The following GABPA variants were observed in gnomAD, a reference collection of about 807,000 sequenced individuals.
GABPA encodes GA-binding protein alpha chain.
A neutral mutation model predicts 59.4 loss-of-function variants in GABPA; 4 were observed. The ratio of observed to expected loss-of-function variants is 0.07; its 90% confidence interval spans 0.03 to 0.15. The LOEUF (loss-of-function observed/expected upper bound fraction) is 0.15. Among genes scored for constraint, GABPA ranks in the 10% least tolerant of loss-of-function variants. GABPA has a pLI of 1.00. For synonymous variants in GABPA, 164 were observed against 183.1 expected, an observed-to-expected ratio of 0.90 and a Z score of 0.84; for missense variants, 251 against 543.8, an observed-to-expected ratio of 0.46 and a Z score of 5.36.
chr21:25,768,876 T>G, intron 9 of GABPA, 128 bp from the exon 10 acceptor site: 3 of 630,884 alleles, frequency 4.8e-6, no homozygotes, highest in Non-Finnish European at 5.7e-6. Context: ...TCTACATAGC[T>G]TCAATATTAA....
rs573839876 is a variant in GABPA at position 25,735,159 on chromosome 21, C to A, written c.-446C>A. 1.6e-6 allele frequency: 1 copy of A among 639,074 alleles called. No homozygotes were observed. The highest frequency in any genetic ancestry group is 2.8e-6 in the Non-Finnish European group (1 of 352,966). The allele number at this position is 639,074 out of a possible 1,614,324, so 39.6% of individuals were successfully genotyped here. On this transcript the variant is annotated 5_prime_UTR_variant, in exon 1 of 10. Transcript: ENST00000400075. ...TCTTTTTCCCCTCCTTGAAACCTTG[C>A]TCTGTACGCATGCGCTCTTTGAGTG...
In GABPA at chr21:25,735,078, C is replaced by T. The variant is rs938179819; in HGVS notation, c.-527C>T. 11 of 990,254 alleles carry T rather than the reference C, an allele frequency of 1.1e-5. No homozygotes were observed. Among genetic ancestry groups the T allele is most frequent in the African/African-American group, 9.6e-5 (6 of 62,324 alleles). 61.3% of individuals were successfully genotyped at this position (990,254 alleles called of 1,614,324 possible). A position where few individuals can be genotyped will look rare whatever the true frequency, so the allele number is the denominator to read the frequency against. ...AGGAGGAGGAAGTGGAGGGTAAGTG[C>T]TTCCGGGTCCCCTGGCACAGCCTCC... On this transcript the variant is annotated 5_prime_UTR_variant, in exon 1 of 10. Transcript: ENST00000400075.
At chr21:25,759,082 AGAG>A (rs1395739708) in intron 6 of GABPA, among the ~76,000 whole-genome samples, 5 of 149,520 alleles carry the variant, frequency 3.3e-5, no homozygotes, top group African/African-American at 1.3e-4. Context: ...AAAAAAAGAG[AGAG>A]AGAAGTTTGG....
At chr21:25,762,475 A>AT (rs2035788152) in intron 7 of GABPA, 110 bp downstream of exon 7, 1 of 693,758 alleles carries the variant, frequency 1.4e-6, no homozygotes, top group Non-Finnish European at 2.4e-6. Context: ...CTACACACAA[A>AT]ATATCTTTTG....
In GABPA at chr21:25,758,043, A is replaced by G; in HGVS notation, c.587A>G (p.His196Arg). Residue 196 changes from histidine (H) to arginine (R), a missense_variant, in exon 6 of 10, where the codon CAT becomes CGT. Physicochemically the swap from His to Arg is conservative, Grantham distance 29. Coordinates refer to ENST00000400075, the MANE Select transcript of GABPA (RefSeq NM_002040.4). ...PIQWSTDQVLHWVVWVMKEFS... is the reference protein window; with the variant it reads ...PIQWSTDQVLRWVVWVMKEFS... ...CAGTGGTCCACAGACCAAGTCCTGC[A>G]TTGGGTGGTTTGGGTAATGAAGGAA... 1.3e-6 allele frequency: 2 copies of G among 1,599,918 alleles called. No homozygotes were observed. The highest frequency in any genetic ancestry group is 1.7e-6 in the Non-Finnish European group (2 of 1,175,166).
Position 25,772,158 on chromosome 21 carries a change from AACTT to A in GABPA, c.*2928_*2931del, listed in dbSNP as rs751137437. 10 of 152,234 alleles carry A rather than the reference AACTT, an allele frequency of 6.6e-5. No individual in the cohort carries two copies. Among genetic ancestry groups the A allele is most frequent in the Admixed American group, 1.3e-4 (2 of 15,296 alleles). 9.4% of individuals were successfully genotyped at this position (152,234 alleles called of 1,614,324 possible). On this transcript the variant is annotated 3_prime_UTR_variant, in exon 10 of 10. Coordinates refer to ENST00000400075, the MANE Select transcript of GABPA (RefSeq NM_002040.4). ...ATAATTGCAAAACAAATCTGTGACT[AACTT>A]AATGTCTTCAGATCTAAAGGGTGTA...
At chr21:25,760,381 C>T (rs1214792162) in intron 6 of GABPA, among the ~76,000 whole-genome samples, 2 of 152,186 alleles carry the variant, frequency 1.3e-5, no homozygotes, top group Non-Finnish European at 2.9e-5. Context: ...GATTCTGGGA[C>T]AGAACTGTTA....
At position 25,772,118 on chromosome 21, in the gene GABPA, AAT is replaced by A. The variant is rs1168695129; in HGVS notation, c.*2887_*2888del. The A allele has an allele frequency of 6.6e-6, 1 of 152,102 alleles. No homozygotes were observed. Among genetic ancestry groups the A allele is most frequent in the Admixed American group, 6.5e-5 (1 of 15,278 alleles). The allele number at this position is 152,102 out of a possible 1,614,324, so 9.4% of individuals were successfully genotyped here. ...TAGTGTATCCTTGAAATAGCACAAA[AAT>A]GTTTTAAAATTCATAATTGCAAAAC... On this transcript the variant is annotated 3_prime_UTR_variant, in exon 10 of 10. Coordinates refer to ENST00000400075, the MANE Select transcript of GABPA (RefSeq NM_002040.4).
rs549007618 is a variant in GABPA, at chr21:25,768,348, G to A, written c.1137-656G>A. Among the ~76,000 whole-genome samples, 22 of 152,090 alleles carry A rather than the reference G, an allele frequency of 1.4e-4. 1 individual carries two copies. The highest frequency in any genetic ancestry group is 6.8e-3 in the Middle Eastern group (2 of 294). On this transcript the variant is annotated intron_variant, in intron 9 of 9. Coordinates refer to ENST00000400075, the MANE Select transcript of GABPA (RefSeq NM_002040.4). The stretch of plus-strand genomic sequence containing the variant: ...GGATAATTTATCTGAAATTTGGAAA[G>A]CGTTTACATAGTGAAATAATAAAGA...
intron 2 of GABPA, among the ~76,000 whole-genome samples, chr21:25,742,182 A>T (rs2035238185): frequency 6.6e-6 from 1 of 152,260 alleles, no homozygotes; most frequent in Non-Finnish European, 1.5e-5. Flanking sequence ...TCTTGGAATA[A>T]TAGTGGAATC....
chr21:25,737,591 A>G (rs1568936964), intron 1 of GABPA, among the ~76,000 whole-genome samples: 1 of 152,118 alleles, frequency 6.6e-6, no homozygotes, highest in Non-Finnish European at 1.5e-5. Flanking sequence ...TCTTTGTAGC[A>G]ACTTCCTATT....
intron 9 of GABPA, among the ~76,000 whole-genome samples, chr21:25,767,822 C>T (rs541485598): frequency 6.6e-6 from 1 of 152,172 alleles, no homozygotes; most frequent in East Asian, 1.9e-4. Flanking sequence ...GGAAATCAAA[C>T]ATAACTATTT....
chr21:25,768,987 T>G lies in GABPA; in HGVS notation c.1137-17T>G. On this transcript the variant is annotated splice_polypyrimidine_tract_variant and intron_variant, in intron 9 of 9. Coordinates refer to ENST00000400075, the MANE Select transcript of GABPA (RefSeq NM_002040.4). ...CATTTTTTCTGAAGTCTCTAATTTT[T>G]TTTTCTCTTTTTGAAGATATTATTA... 3 of 1,549,178 alleles carry G rather than the reference T, an allele frequency of 1.9e-6. No homozygotes were observed. Among genetic ancestry groups the G allele is most frequent in the Non-Finnish European group, 2.7e-6 (3 of 1,130,084 alleles).
At chr21:25,737,035 C>T (rs1171903096) in intron 1 of GABPA, among the ~76,000 whole-genome samples, 1 of 152,210 alleles carries the variant, frequency 6.6e-6, no homozygotes, top group Non-Finnish European at 1.5e-5. Context: ...TCAAATTTAT[C>T]TGTAGTTTCA....
At chr21:25,738,026 C>A (rs1191670344) in intron 1 of GABPA, among the ~76,000 whole-genome samples, 1 of 152,132 alleles carries the variant, frequency 6.6e-6, no homozygotes, top group African/African-American at 2.4e-5. Flanking sequence ...TCAATCAATC[C>A]TGTTAACCAA....
intron 6 of GABPA, among the ~76,000 whole-genome samples, chr21:25,758,898 C>T (rs1436541826): frequency 2.0e-5 from 3 of 152,050 alleles, no homozygotes; most frequent in Non-Finnish European, 4.4e-5. Context: ...GGTGAAACCC[C>T]ATCTCCACTA....
intron 6 of GABPA, among the ~76,000 whole-genome samples, chr21:25,760,514 T>TCCC (rs940747022): frequency 5.9e-5 from 9 of 151,772 alleles, no homozygotes; most frequent in African/African-American, 2.2e-4. Context: ...CTGCCTGCAG[T>TCCC]CCCCCCTATG....
In GABPA at chr21:25,735,070, G is replaced by A. The variant is rs1473703958; in HGVS notation, c.-535G>A. The stretch of plus-strand genomic sequence containing the variant: ...AGCCAAACAGGAGGAGGAAGTGGAG[G>A]GTAAGTGCTTCCGGGTCCCCTGGCA... On this transcript the variant is annotated 5_prime_UTR_variant, in exon 1 of 10. Coordinates refer to ENST00000400075, the MANE Select transcript of GABPA (RefSeq NM_002040.4). The A allele has an allele frequency of 3.7e-6, 4 of 1,094,238 alleles. No individual in the cohort carries two copies. The highest frequency in any genetic ancestry group is 4.0e-6 in the Non-Finnish European group (3 of 742,604). 67.8% of individuals were successfully genotyped at this position (1,094,238 alleles called of 1,614,324 possible).
chr21:25,767,074 T>TA (rs1229573229), intron 9 of GABPA, among the ~76,000 whole-genome samples: 3 of 151,948 alleles, frequency 2.0e-5, no homozygotes, highest in African/African-American at 7.2e-5. Context: ...ACAGGAAAAT[T>TA]AAATTTCAGT....
Sources: allele counts gnomAD v4.1 joint callset (sites outside exome capture counted in the v4.1 genomes callset), GRCh38; gene constraint gnomAD v4.1.1; transcripts MANE v1.5; gene names NCBI Gene and HGNC (gene_info 2026-07-23, HGNC 2026-07-21).